Variants in CWH43 observed in about 807,000 individuals in gnomAD.
The protein encoded by CWH43 is cell wall biogenesis 43 C-terminal homolog, also known as PGAP2-interacting protein.
A neutral mutation model predicts 85.7 loss-of-function variants in CWH43; 91 were observed. That is an observed-to-expected ratio of 1.06 (90% CI 0.90 to 1.26). The LOEUF (loss-of-function observed/expected upper bound fraction) is 1.26. Among genes scored for constraint, CWH43 ranks in the 50% most tolerant of loss-of-function variants. The probability of loss-of-function intolerance (pLI) is 0.00; values close to 1 mark genes in which losing one functional copy is unlikely to be tolerated. For synonymous variants in CWH43, 323 were observed against 293.6 expected (o/e 1.10, Z -1.02); for missense variants, 869 against 839.2 (o/e 1.04, Z -0.44).
Position 49,044,777 on chromosome 4 carries a change from C to G in CWH43, c.1804-9C>G. ...TGCTTTAAACATTCTCCTCTCTGCT[C>G]TTTATTAGGATATCGACAGCACTGA... is the stretch of plus-strand genomic sequence containing the variant. On this transcript the variant is annotated splice_polypyrimidine_tract_variant and intron_variant, in intron 13 of 15. Transcript: ENST00000226432. 6.2e-7 allele frequency: 1 copy of G among 1,609,854 alleles called. No individual in the cohort carries two copies.
rs1376871042 is a variant in CWH43 at position 48,986,539 on chromosome 4, AGCCAG to A, written c.43+74_43+78del. ...CCCCGGGCCATGTCCAGAGCCGTGG[AGCCAG>A]GCCAGGTTGGCTGAGTTCAGGTAGG... On this transcript the variant is annotated intron_variant, in intron 1 of 15. Transcript: ENST00000226432. 1.9e-6 allele frequency: 3 copies of A among 1,545,310 alleles called. No homozygotes were observed. In the African/African-American group the frequency reaches 4.1e-5, roughly 21 times the overall value.
intron 12 of CWH43, among the ~76,000 whole-genome samples, chr4:49,034,422 A>G (rs1165217437): frequency 6.6e-6 from 1 of 152,152 alleles, no homozygotes; most frequent in African/African-American, 2.4e-5. Flanking sequence ...TGTAAAGAAT[A>G]GGTTTGAAAA....
intron 10 of CWH43, among the ~76,000 whole-genome samples, chr4:49,030,401 G>A (rs1207928848): frequency 1.3e-5 from 2 of 152,068 alleles, no homozygotes; most frequent in Non-Finnish European, 2.9e-5. Flanking sequence ...GGCTTCCAAG[G>A]CACACCTGGT....
chr4:49,038,287 C>A, intron 13 of CWH43, 107 bp downstream of exon 13: 3 of 828,192 alleles, frequency 3.6e-6, no homozygotes, highest in Non-Finnish European at 5.6e-6. Context: ...TGCAGTCTAT[C>A]TACTGCTGCC....
At chr4:49,013,205 G>T (rs531119002) in intron 8 of CWH43, among the ~76,000 whole-genome samples, 11 of 152,352 alleles carry the variant, frequency 7.2e-5, no homozygotes, top group African/African-American at 2.6e-4. Flanking sequence ...AATGGCAGAT[G>T]CCCCTCCCCC....
intron 13 of CWH43, 49 bp from the exon 14 acceptor site, chr4:49,044,737 G>A (rs374373018): frequency 6.0e-6 from 9 of 1,496,314 alleles, no homozygotes; most frequent in Non-Finnish European, 8.3e-6. Flanking sequence ...ATGTGGAATA[G>A]AGCTTTGCTT....
chr4:49,032,532 A>C (rs1577691399), intron 11 of CWH43, 34 bp from the exon 12 acceptor site: 1 of 1,611,934 alleles, frequency 6.2e-7, no homozygotes, highest in Non-Finnish European at 8.5e-7. Flanking sequence ...TGGGACTGAC[A>C]ATGATGCCCA....
At chr4:49,050,083 A>G (rs1784747218) in intron 14 of CWH43, among the ~76,000 whole-genome samples, 1 of 152,154 alleles carries the variant, frequency 6.6e-6, no homozygotes, top group Non-Finnish European at 1.5e-5. Flanking sequence ...AAGCTGACCT[A>G]AGTCTTTTTT....
intron 5 of CWH43, among the ~76,000 whole-genome samples, chr4:48,997,381 G>T (rs1002067692): frequency 4.6e-5 from 7 of 152,034 alleles, no homozygotes; most frequent in African/African-American, 1.4e-4. Flanking sequence ...TTTATTAATG[G>T]TGTTTATTAT....
At chr4:49,001,565 C>G (rs1459241916) in intron 6 of CWH43, among the ~76,000 whole-genome samples, 1 of 152,100 alleles carries the variant, frequency 6.6e-6, no homozygotes, top group East Asian at 1.9e-4. Flanking sequence ...ATGGTAAGTG[C>G]TTACACTGGA....
At chr4:49,053,146 A>G (rs1784849938) in intron 15 of CWH43, among the ~76,000 whole-genome samples, 1 of 152,148 alleles carries the variant, frequency 6.6e-6, no homozygotes, top group Non-Finnish European at 1.5e-5. Context: ...ACTATTCCAT[A>G]CATATGTATG....
chr4:49,050,417 G>T (rs1784756352), intron 14 of CWH43, among the ~76,000 whole-genome samples: 1 of 152,162 alleles, frequency 6.6e-6, no homozygotes, highest in Non-Finnish European at 1.5e-5. Flanking sequence ...GAGGCAATTT[G>T]TATGGCTAGA....
intron 8 of CWH43, among the ~76,000 whole-genome samples, chr4:49,014,963 C>T (rs1204890161): frequency 6.6e-6 from 1 of 152,156 alleles, no homozygotes; most frequent in Non-Finnish European, 1.5e-5. Context: ...TGTATAATTA[C>T]ATAGATCCCT....
At chr4:49,040,320 C>T (rs1784417527) in intron 13 of CWH43, among the ~76,000 whole-genome samples, 1 of 152,228 alleles carries the variant, frequency 6.6e-6, no homozygotes, top group Non-Finnish European at 1.5e-5. Context: ...GGAATCGCCA[C>T]ACTGACTTCC....
At chr4:49,006,728 C>T (rs1783169041) in intron 7 of CWH43, among the ~76,000 whole-genome samples, 1 of 152,202 alleles carries the variant, frequency 6.6e-6, no homozygotes, top group African/African-American at 2.4e-5. Context: ...CATGCATCCT[C>T]TGTGAGGCCT....
chr4:49,059,616 C>T (rs549167014), intron 15 of CWH43, among the ~76,000 whole-genome samples: 5 of 152,300 alleles, frequency 3.3e-5, no homozygotes, highest in African/African-American at 7.2e-5. Context: ...TACCAGTTGG[C>T]TGGTCCAAAG....
intron 8 of CWH43, among the ~76,000 whole-genome samples, chr4:49,015,380 T>A (rs1446227014): frequency 1.3e-5 from 2 of 152,144 alleles, no homozygotes; most frequent in Non-Finnish European, 2.9e-5. Flanking sequence ...GAAGATATTA[T>A]TCTCCTGTCT....
chr4:49,061,672 T>G, intron 15 of CWH43, 140 bp from the exon 16 acceptor site: 18 of 700,234 alleles, frequency 2.6e-5, no homozygotes, highest in Non-Finnish European at 3.5e-5. Flanking sequence ...AAAATTTTAG[T>G]TTGCCTTTCC....
chr4:48,986,708 C>T (rs1386196335), intron 1 of CWH43: 2 of 1,351,854 alleles, frequency 1.5e-6, no homozygotes, highest in African/African-American at 1.5e-5. Flanking sequence ...GACCCCGTCG[C>T]CCGAGTTCCC....
Sources: allele counts gnomAD v4.1 joint callset (sites outside exome capture counted in the v4.1 genomes callset), GRCh38; gene constraint gnomAD v4.1.1; transcripts MANE v1.5; gene names NCBI Gene and HGNC (gene_info 2026-07-23, HGNC 2026-07-21).